PDGFD: variants seen among roughly 807,000 people sequenced by gnomAD.
PDGFD encodes the protein platelet-derived growth factor D.
PDGFD carries 30 observed loss-of-function variants against 44.7 expected under a neutral mutation model. The ratio of observed to expected loss-of-function variants is 0.67; its 90% CI spans 0.50 to 0.91. PDGFD has a LOEUF of 0.91. Among genes scored for constraint, PDGFD ranks in the 40% least tolerant of loss-of-function variants. PDGFD has a pLI of 0.00. For synonymous variants in PDGFD, 173 were observed against 168.4 expected, an observed-to-expected ratio of 1.03 and a Z score of -0.21; for missense variants, 445 against 457.8, an observed-to-expected ratio of 0.97 and a Z score of 0.25.
intron 1 of PDGFD, among the ~76,000 whole-genome samples, chr11:104,035,434 G>T (rs192484447): frequency 6.6e-6 from 1 of 151,930 alleles, no homozygotes; most frequent in East Asian, 1.9e-4. Context: ...CCTCCTGACT[G>T]GCCCTCCTGC....
intron 1 of PDGFD, among the ~76,000 whole-genome samples, chr11:104,078,829 GAGGGAAGAAAGA>G (rs1410108929): frequency 0.44 from 57,725 of 132,390 alleles, 14,473 homozygotes; most frequent in African/African-American, 0.69. Context: ...ATTTACCAAT[GAGGGAAGAAAGA>G]TTATACCATA....
At chr11:104,034,619 A>T (rs1400465573) in intron 1 of PDGFD, among the ~76,000 whole-genome samples, 2 of 151,672 alleles carry the variant, frequency 1.3e-5, no homozygotes, top group Non-Finnish European at 2.9e-5. Context: ...AGCCAGGGAA[A>T]CATGAGCTCT....
At chr11:104,065,299 G>T (rs1035401370) in intron 1 of PDGFD, among the ~76,000 whole-genome samples, 1 of 152,080 alleles carries the variant, frequency 6.6e-6, no homozygotes, top group Non-Finnish European at 1.5e-5. Flanking sequence ...TCCCTTTAGA[G>T]AACCCTAATA....
At chr11:104,038,036 A>T (rs767941543) in intron 1 of PDGFD, 169 of 1,585,366 alleles carry the variant, frequency 1.1e-4, no homozygotes, top group Non-Finnish European at 1.4e-4. Flanking sequence ...ATATGTTACC[A>T]CCTTGAGGGA....
chr11:103,973,337 C>T (rs1403160037), intron 3 of PDGFD, among the ~76,000 whole-genome samples: 6 of 149,372 alleles, frequency 4.0e-5, no homozygotes, highest in Non-Finnish European at 7.4e-5. Context: ...TTAGTAGAGA[C>T]GAGGTTTCAC....
At chr11:104,071,815 C>T (rs548598151) in intron 1 of PDGFD, among the ~76,000 whole-genome samples, 65 of 151,212 alleles carry the variant, frequency 4.3e-4, no homozygotes, top group Middle Eastern at 3.4e-3. Context: ...TTACTTTGTC[C>T]GGTGGTTTCA....
At chr11:104,052,118 T>C (rs1408327284) in intron 1 of PDGFD, among the ~76,000 whole-genome samples, 4 of 152,214 alleles carry the variant, frequency 2.6e-5, no homozygotes, top group African/African-American at 7.2e-5. Flanking sequence ...ATACAACACA[T>C]GACCTTCTGT....
At chr11:104,130,749 C>A (rs1448150755) in intron 1 of PDGFD, among the ~76,000 whole-genome samples, 1 of 152,136 alleles carries the variant, frequency 6.6e-6, no homozygotes, top group African/African-American at 2.4e-5. Context: ...CCTTCTTAGA[C>A]CACCTGTCTA....
At chr11:103,974,543 G>T (rs1859153269) in intron 3 of PDGFD, among the ~76,000 whole-genome samples, 1 of 152,106 alleles carries the variant, frequency 6.6e-6, no homozygotes. Flanking sequence ...CACGTGCCAT[G>T]GTGGTTTGTT....
chr11:103,976,366 G>T (rs999095037), intron 3 of PDGFD, among the ~76,000 whole-genome samples: 2 of 152,064 alleles, frequency 1.3e-5, no homozygotes, highest in African/African-American at 4.8e-5. Flanking sequence ...TGTGATTTTT[G>T]CACATTGATT....
At chr11:103,984,137 T>G (rs1053248421) in intron 3 of PDGFD, among the ~76,000 whole-genome samples, 1 of 151,648 alleles carries the variant, frequency 6.6e-6, no homozygotes, top group African/African-American at 2.4e-5. Flanking sequence ...CTATTTACAA[T>G]AGCAAATACA....
At chr11:104,028,540 C>G (rs1008082408) in intron 1 of PDGFD, among the ~76,000 whole-genome samples, 1 of 150,096 alleles carries the variant, frequency 6.7e-6, no homozygotes, top group African/African-American at 2.5e-5. Flanking sequence ...ATTTTAATAT[C>G]AGAAACGTCA....
At chr11:104,089,162 A>T (rs1467758910) in intron 1 of PDGFD, among the ~76,000 whole-genome samples, 1 of 152,148 alleles carries the variant, frequency 6.6e-6, no homozygotes, top group African/African-American at 2.4e-5. Flanking sequence ...TCATGAGGAG[A>T]ATAGGTTTTG....
At chr11:103,993,055 T>TTTTG (rs143505931) in intron 3 of PDGFD, among the ~76,000 whole-genome samples, 2,507 of 151,576 alleles carry the variant, frequency 0.017, 18 homozygotes, top group Non-Finnish European at 0.02. Flanking sequence ...CGTGTGCTGT[T>TTTTG]TTTGTTTGTT....
intron 1 of PDGFD, among the ~76,000 whole-genome samples, chr11:104,157,316 G>C (rs903225248): frequency 6.6e-6 from 1 of 152,116 alleles, no homozygotes; most frequent in African/African-American, 2.4e-5. Context: ...AGGCAGCAGG[G>C]ATATAGGAAG....
chr11:103,955,758 A>G (rs1043504360), intron 3 of PDGFD, among the ~76,000 whole-genome samples: 1 of 152,158 alleles, frequency 6.6e-6, no homozygotes, highest in Non-Finnish European at 1.5e-5. Context: ...GAAGCCCTGG[A>G]TAGGAGCTTT....
intron 6 of PDGFD, among the ~76,000 whole-genome samples, chr11:103,914,865 G>T (rs934796020): frequency 6.6e-6 from 1 of 152,202 alleles, no homozygotes; most frequent in African/African-American, 2.4e-5. Context: ...TATCTCAATA[G>T]ATGCAGAAAA....
At chr11:104,095,284 CG>C (rs956513584) in intron 1 of PDGFD, among the ~76,000 whole-genome samples, 2 of 151,826 alleles carry the variant, frequency 1.3e-5, no homozygotes, top group African/African-American at 2.4e-5. Flanking sequence ...AAGAGTTTGA[CG>C]TTTTTTTTTC....
intron 1 of PDGFD, among the ~76,000 whole-genome samples, chr11:104,102,103 T>C (rs1358375794): frequency 6.6e-6 from 1 of 152,136 alleles, no homozygotes; most frequent in Non-Finnish European, 1.5e-5. Context: ...AAAAAGCTTC[T>C]GCACGGCAAA....
Sources: allele counts gnomAD v4.1 joint callset (sites outside exome capture counted in the v4.1 genomes callset), GRCh38; gene constraint gnomAD v4.1.1; transcripts MANE v1.5; gene names NCBI Gene and HGNC (gene_info 2026-07-23, HGNC 2026-07-21).